Variants in SCML4 observed in about 807,000 individuals in gnomAD.
SCML4 encodes Scm polycomb group protein like 4.
Under a neutral mutation model 41.1 loss-of-function variants are expected in SCML4, and 34 were observed. The observed-to-expected ratio is 0.83, with a 90% CI of 0.63 to 1.10. The LOEUF (loss-of-function observed/expected upper bound fraction) is 1.10, where lower values mean the gene tolerates loss of function less well. Among genes scored for constraint, SCML4 ranks in the 50% least tolerant of loss-of-function variants. The pLI, the probability that SCML4 is intolerant of heterozygous loss-of-function variation, is 0.00. For synonymous variants in SCML4, 214 were observed against 220.9 expected, an observed-to-expected ratio of 0.97 and a Z score of 0.28; for missense variants, 522 against 534.1, an observed-to-expected ratio of 0.98 and a Z score of 0.22.
rs1774153181 is a variant in SCML4 at position 107,710,934 on chromosome 6, T to C, written c.974-2923A>G. ...CACTCCCCTGTTCAGAAATGTCTGGTTTACAGTTACTACAGAGCAAAGTCC... is the reference window on the plus strand; with the variant it reads ...CACTCCCCTGTTCAGAAATGTCTGGCTTACAGTTACTACAGAGCAAAGTCC... On this transcript the variant is annotated intron_variant, in intron 6 of 7. Coordinates refer to ENST00000369020, the MANE Select transcript of SCML4 (RefSeq NM_198081.5). 2.9e-5 allele frequency among the ~76,000 whole-genome samples: 2 copies of C among 68,316 alleles called. 1 individual carries two copies. The highest frequency in any genetic ancestry group is 6.2e-5 in the Non-Finnish European group (2 of 32,140). 44.8% of individuals were successfully genotyped at this position (68,316 alleles called of 152,430 possible).
At chr6:107,774,167 C>G (rs532478146) in intron 1 of SCML4, among the ~76,000 whole-genome samples, 1 of 152,206 alleles carries the variant, frequency 6.6e-6, no homozygotes, top group South Asian at 2.1e-4. Context: ...GTTCTGGATA[C>G]GAATTTTTTT....
the SCML4 span, among the ~76,000 whole-genome samples, chr6:107,830,128 G>A: frequency 6.6e-6 from 1 of 152,122 alleles, no homozygotes; most frequent in Non-Finnish European, 1.5e-5. Flanking sequence ...AAGTCAGCAG[G>A]GTCCTCTCAG....
chr6:107,803,243 T>G (rs9386664), intron 1 of SCML4, among the ~76,000 whole-genome samples: 1 of 9,184 alleles, frequency 1.1e-4, no homozygotes, highest in Non-Finnish European at 2.2e-4. Context: ...CCGGCCGCCC[T>G]GTCTGAGAAG....
At chr6:107,795,635 C>A (rs1782651584) in intron 1 of SCML4, among the ~76,000 whole-genome samples, 1 of 152,162 alleles carries the variant, frequency 6.6e-6, no homozygotes, top group South Asian at 2.1e-4. Context: ...TCAAGTGATT[C>A]TCCTGCCTCA....
the SCML4 span, among the ~76,000 whole-genome samples, chr6:107,838,385 C>T: frequency 2.0e-5 from 3 of 152,136 alleles, no homozygotes; most frequent in Non-Finnish European, 4.4e-5. Flanking sequence ...AACCAGATGC[C>T]GAGCTCTGGA....
chr6:107,742,929 T>C (rs1777722910), intron 5 of SCML4, among the ~76,000 whole-genome samples: 1 of 152,204 alleles, frequency 6.6e-6, no homozygotes, highest in South Asian at 2.1e-4. Context: ...ATAACACTAG[T>C]ATGAAGCCCA....
At chr6:107,809,896 C>T (rs992686905) in intron 1 of SCML4, among the ~76,000 whole-genome samples, 7 of 152,164 alleles carry the variant, frequency 4.6e-5, no homozygotes, top group Non-Finnish European at 8.8e-5. Flanking sequence ...CTTTGGGAGA[C>T]GGAGGTGGGA....
At chr6:107,749,651 A>G in intron 3 of SCML4, 33 bp downstream of exon 3, 1 of 1,612,014 alleles carries the variant, frequency 6.2e-7, no homozygotes, top group Non-Finnish European at 8.5e-7. Context: ...TCTACAGACC[A>G]TCACAGCCTT....
At chr6:107,810,507 A>G (rs1166195352) in intron 1 of SCML4, among the ~76,000 whole-genome samples, 3 of 152,164 alleles carry the variant, frequency 2.0e-5, no homozygotes, top group African/African-American at 7.2e-5. Flanking sequence ...AGGGATCTGG[A>G]GACATCAGAT....
the SCML4 span, among the ~76,000 whole-genome samples, chr6:107,841,288 C>T: frequency 3.3e-5 from 5 of 152,134 alleles, no homozygotes; most frequent in Non-Finnish European, 5.9e-5. Context: ...TGGAAGACCT[C>T]ATTTCTAAAT....
chr6:107,769,744 A>G (rs913642442), intron 2 of SCML4, among the ~76,000 whole-genome samples: 6 of 152,186 alleles, frequency 3.9e-5, no homozygotes, highest in African/African-American at 1.4e-4. Flanking sequence ...TTAGTATATT[A>G]TCATCTCACT....
intron 5 of SCML4, among the ~76,000 whole-genome samples, chr6:107,735,461 T>G (rs77318873): frequency 0.16 from 21,937 of 139,148 alleles, 1,842 homozygotes; most frequent in Middle Eastern, 0.21. Flanking sequence ...TCCAGTTCTG[T>G]TTTTTTTTCT....
chr6:107,784,812 T>A (rs1378023428), intron 1 of SCML4, among the ~76,000 whole-genome samples: 1 of 152,192 alleles, frequency 6.6e-6, no homozygotes, highest in African/African-American at 2.4e-5. Context: ...AGCCCATATG[T>A]GGGGGCTGCA....
intron 2 of SCML4, among the ~76,000 whole-genome samples, chr6:107,771,696 G>A (rs1037038981): frequency 6.6e-6 from 1 of 152,220 alleles, no homozygotes; most frequent in Non-Finnish European, 1.5e-5. Context: ...TTGAGGTTCT[G>A]TTTGGGAAGA....
chr6:107,710,906 G>A (rs1243907005), intron 6 of SCML4, among the ~76,000 whole-genome samples: 1 of 67,878 alleles, frequency 1.5e-5, no homozygotes, highest in Non-Finnish European at 3.1e-5. Flanking sequence ...AGGGCCACCA[G>A]CTCACTCCCC....
chr6:107,832,563 C>G, the SCML4 span, among the ~76,000 whole-genome samples: 51 of 152,322 alleles, frequency 3.3e-4, no homozygotes, highest in Middle Eastern at 3.4e-3. Context: ...AAGACTGCCA[C>G]CCGGATATGC....
At chr6:107,740,788 T>C (rs974821003) in intron 5 of SCML4, among the ~76,000 whole-genome samples, 1 of 152,176 alleles carries the variant, frequency 6.6e-6, no homozygotes. Flanking sequence ...AAAGAACACA[T>C]GTAAAAGCCC....
At chr6:107,838,948 A>G in the SCML4 span, among the ~76,000 whole-genome samples, 5 of 101,590 alleles carry the variant, frequency 4.9e-5, no homozygotes, top group African/African-American at 1.5e-4. Flanking sequence ...GAAAGTTAAC[A>G]AACTATGTCC....
intron 7 of SCML4, among the ~76,000 whole-genome samples, chr6:107,707,104 CA>C (rs1301644969): frequency 6.6e-6 from 1 of 152,140 alleles, no homozygotes; most frequent in African/African-American, 2.4e-5. Context: ...GGGATGAGAC[CA>C]GCCTGGCCAA....
Sources: allele counts gnomAD v4.1 joint callset (sites outside exome capture counted in the v4.1 genomes callset), GRCh38; gene constraint gnomAD v4.1.1; transcripts MANE v1.5; gene names NCBI Gene and HGNC (gene_info 2026-07-23, HGNC 2026-07-21).